CFTR: variants seen among roughly 807,000 people sequenced by gnomAD.
The protein encoded by CFTR is CF transmembrane conductance regulator.
In CFTR, 181 loss-of-function variants were observed where a neutral mutation model predicts 171.6. The observed-to-expected ratio is 1.05, with a 90% confidence interval of 0.93 to 1.19. CFTR has a LOEUF of 1.19. Among genes scored for constraint, CFTR ranks in the 50% most tolerant of loss-of-function variants. CFTR has a pLI of 0.00. For missense variants in CFTR, 1,968 were observed against 1,734.7 expected (o/e 1.13, Z -2.39); for synonymous variants, 583 against 608.0 (o/e 0.96, Z 0.60).
At chr7:117,482,390 C>A (rs1415053408) in intron 1 of CFTR, among the ~76,000 whole-genome samples, 1 of 152,032 alleles carries the variant, frequency 6.6e-6, no homozygotes, top group Non-Finnish European at 1.5e-5. Flanking sequence ...GAAAAAAAAT[C>A]TAAGTTATTT....
chr7:117,596,179 G>GT (rs1792120808), intron 15 of CFTR, among the ~76,000 whole-genome samples: 3 of 138 alleles, frequency 0.022, no homozygotes, highest in Admixed American at 0.17. Context: ...GGGGCTGCGG[G>GT]TGCCTTGTGG....
chr7:117,639,325 G>T (rs1215310403), intron 22 of CFTR, among the ~76,000 whole-genome samples: 1 of 152,012 alleles, frequency 6.6e-6, no homozygotes, highest in Non-Finnish European at 1.5e-5. Context: ...ATCTCAAATA[G>T]TTTTTTCTTA....
chr7:117,600,028 A>G (rs564587592), intron 15 of CFTR, among the ~76,000 whole-genome samples: 13 of 152,180 alleles, frequency 8.5e-5, no homozygotes, highest in African/African-American at 3.1e-4. Context: ...CCTAAGGGTC[A>G]TATTTCAATT....
Position 117,534,406 on chromosome 7 carries a change from T to C in CFTR, c.579+41T>C, listed in dbSNP as rs779917088. On this transcript the variant is annotated intron_variant, in intron 5 of 26. Coordinates refer to ENST00000003084, the MANE Select transcript of CFTR (RefSeq NM_000492.4). ...TTTAATCTTTTAGGCACTATTGTTATAAATTATACAACTGGAAAGGCGGAG... is the reference window on the plus strand; with the variant it reads ...TTTAATCTTTTAGGCACTATTGTTACAAATTATACAACTGGAAAGGCGGAG... 9 of 1,078,774 alleles carry C rather than the reference T, an allele frequency of 8.3e-6. No individual in the cohort carries two copies. The Admixed American group carries it at 1.5e-4, about 18-fold the overall frequency. The allele number at this position is 1,078,774 out of a possible 1,614,324, so 66.8% of individuals were successfully genotyped here. A position where few individuals can be genotyped will look rare whatever the true frequency, so the allele number is the denominator to read the frequency against.
intron 24 of CFTR, among the ~76,000 whole-genome samples, chr7:117,663,966 G>A (rs887277937): frequency 2.2e-4 from 34 of 151,634 alleles, no homozygotes; most frequent in Non-Finnish European, 7.4e-5. Context: ...TAAAAAAAAA[G>A]CCTTTGACTC....
intron 21 of CFTR, among the ~76,000 whole-genome samples, chr7:117,624,143 T>C (rs898381513): frequency 6.6e-6 from 1 of 152,216 alleles, no homozygotes; most frequent in Admixed American, 6.6e-5. Context: ...GTTTATTTTC[T>C]ATTTGAGCAC....
intron 1 of CFTR, among the ~76,000 whole-genome samples, chr7:117,485,898 A>G (rs997143331): frequency 1.3e-5 from 2 of 152,190 alleles, no homozygotes; most frequent in African/African-American, 4.8e-5. Flanking sequence ...ACAATTTAAT[A>G]AAGATTTTTT....
chr7:117,638,995 TTC>T (rs1240905742), intron 22 of CFTR, among the ~76,000 whole-genome samples: 1 of 152,088 alleles, frequency 6.6e-6, no homozygotes, highest in Non-Finnish European at 1.5e-5. Flanking sequence ...TAGGCTGCCC[TTC>T]TTGGGGGGGA....
chr7:117,543,189 G>A (rs1461624907), intron 9 of CFTR, among the ~76,000 whole-genome samples: 3 of 152,154 alleles, frequency 2.0e-5, no homozygotes, highest in Non-Finnish European at 4.4e-5. Flanking sequence ...CTTTCTTAAT[G>A]TCATACTTTG....
chr7:117,590,500 T>TCCCA, intron 13 of CFTR, 61 bp downstream of exon 13: 1 of 1,550,204 alleles, frequency 6.5e-7, no homozygotes, highest in Admixed American at 1.8e-5. Flanking sequence ...AGACAGACTG[T>TCCCA]CCCATCATAG....
chr7:117,555,156 C>T (rs1429002130), intron 10 of CFTR, among the ~76,000 whole-genome samples: 1 of 151,464 alleles, frequency 6.6e-6, no homozygotes. Flanking sequence ...GTAAGATATG[C>T]CATGAATGCA....
At chr7:117,602,628 G>A (rs1446518725) in intron 15 of CFTR, among the ~76,000 whole-genome samples, 198 bp from the exon 16 acceptor site, 1 of 152,144 alleles carries the variant, frequency 6.6e-6, no homozygotes, top group Non-Finnish European at 1.5e-5. Context: ...ACTTAATGTG[G>A]TCTCATCACA....
intron 24 of CFTR, among the ~76,000 whole-genome samples, chr7:117,663,391 T>C (rs1793319797): frequency 6.6e-6 from 1 of 151,944 alleles, no homozygotes; most frequent in Non-Finnish European, 1.5e-5. Flanking sequence ...GAAACCCTTC[T>C]CAAACTTTAA....
chr7:117,548,663 A>G lies in CFTR; in HGVS notation c.1232A>G (p.Lys411Arg), dbSNP rs1341247313. 6.2e-7 allele frequency: 1 copy of G among 1,612,912 alleles called. No homozygotes were observed. Among genetic ancestry groups the G allele is most frequent in the African/African-American group, 1.3e-5 (1 of 74,820 alleles). Residue 411 changes from lysine to arginine, a missense_variant, in exon 10 of 27, where the codon AAA becomes AGA. Physicochemically the swap from Lys to Arg is conservative, Grantham distance 26 (BLOSUM62 2). Coordinates refer to ENST00000003084, the MANE Select transcript of CFTR (RefSeq NM_000492.4). ...CAGGGATTTGGGGAATTATTTGAGA[A>G]AGCAAAACAAAACAATAACAATAGA... ...WEEGFGELFE[K>R]AKQNNNNRKT...
intron 1 of CFTR, among the ~76,000 whole-genome samples, chr7:117,487,054 T>C (rs1050501044): frequency 3.3e-5 from 5 of 152,060 alleles, no homozygotes; most frequent in African/African-American, 4.8e-5. Context: ...GTGCTGCTTA[T>C]TGAATGAGAA....
At chr7:117,544,811 C>T (rs1799112620) in intron 9 of CFTR, among the ~76,000 whole-genome samples, 2 of 152,220 alleles carry the variant, frequency 1.3e-5, no homozygotes, top group African/African-American at 4.8e-5. Context: ...GTGGACTTCT[C>T]CCCACTACAA....
intron 11 of CFTR, among the ~76,000 whole-genome samples, chr7:117,571,954 A>G (rs1446871461): frequency 1.3e-5 from 2 of 151,896 alleles, no homozygotes; most frequent in Non-Finnish European, 2.9e-5. Flanking sequence ...TCTGCTATAT[A>G]TTTGGTCAGT....
At chr7:117,555,019 C>G (rs1319948458) in intron 10 of CFTR, among the ~76,000 whole-genome samples, 2 of 152,096 alleles carry the variant, frequency 1.3e-5, no homozygotes, top group African/African-American at 4.8e-5. Context: ...CAGGCTTGAA[C>G]TGCATGGGTC....
chr7:117,595,994 T>C (rs1792116150), intron 15 of CFTR, among the ~76,000 whole-genome samples: 1 of 152,264 alleles, frequency 6.6e-6, no homozygotes, highest in African/African-American at 2.4e-5. Flanking sequence ...CTGGCAGTCC[T>C]GGCAGCCCTC....
Sources: gnomAD v4.1 joint callset for allele counts (sites outside exome capture counted in the v4.1 genomes callset) on GRCh38, gnomAD v4.1.1 for gene constraint, MANE v1.5 for transcripts, NCBI Gene and HGNC (gene_info 2026-07-23, HGNC 2026-07-21) for gene names.